The following SHISAL2A variants were observed in gnomAD, a reference collection of about 807,000 sequenced individuals.
SHISAL2A encodes the protein protein shisa-like-2A.
SHISAL2A carries 18 observed loss-of-function variants against 11.5 expected under a neutral mutation model. The observed-to-expected ratio is 1.57, with a 90% CI of 1.08 to 2.33. The LOEUF (loss-of-function observed/expected upper bound fraction) is 2.33, where lower values mean the gene tolerates loss of function less well. Among genes scored for constraint, SHISAL2A ranks in the 30% most tolerant of loss-of-function variants. The pLI is 0.00. For synonymous variants in SHISAL2A, 94 were observed against 99.6 expected, an observed-to-expected ratio of 0.94 and a Z score of 0.34; for missense variants, 261 against 250.9, an observed-to-expected ratio of 1.04 and a Z score of -0.27.
intron 2 of SHISAL2A, among the ~76,000 whole-genome samples, chr1:52,647,793 C>T (rs1003883481): frequency 9.3e-5 from 14 of 150,114 alleles, no homozygotes; most frequent in African/African-American, 3.4e-4. Context: ...TGCAGTGAGC[C>T]AGGATCGGCC....
At position 52,666,036 on chromosome 1, in the gene SHISAL2A, C is replaced by T. The variant is rs555903653; in HGVS notation, n.696-1363C>T. 5.3e-4 allele frequency among the ~76,000 whole-genome samples: 80 copies of T among 152,312 alleles called. 1 individual carries two copies. Among genetic ancestry groups the T allele is most frequent in the Non-Finnish European group, 7.8e-4 (53 of 68,034 alleles). On this transcript the variant is annotated intron_variant and non_coding_transcript_variant, in intron 4 of 5. Transcript: ENST00000401050. ...CAGGGTTACCTTGAGCTAATGCCTT[C>T]CTCTCTGTCTCAAGAGAATATCCCA...
At chr1:52,664,605 G>T (rs974233668) in intron 4 of SHISAL2A, among the ~76,000 whole-genome samples, 1 of 152,070 alleles carries the variant, frequency 6.6e-6, no homozygotes, top group Non-Finnish European at 1.5e-5. Context: ...TGATCTGCCC[G>T]CCTTGGCCTC....
rs1323217249 is a variant in SHISAL2A, at chr1:52,633,515, T to C, written c.22T>C (p.Tyr8His). 1.3e-6 allele frequency: 2 copies of C among 1,569,786 alleles called. No homozygotes were observed. Among genetic ancestry groups the C allele is most frequent in the Admixed American group, 1.9e-5 (1 of 54,016 alleles). Reference protein sequence around the residue: MSGACTSYVSAEQEVVRG... With the variant: MSGACTSHVSAEQEVVRG... ...CGCGATGAGCGGCGCCTGCACGAGC[T>C]ACGTGAGCGCAGAGCAGGAGGTGGT... is the stretch of plus-strand genomic sequence containing the variant. The change falls in exon 1 of 3, where the codon TAC (tyrosine) becomes CAC (histidine). Residue 8 changes from tyrosine to histidine, a missense_variant. Coordinates refer to ENST00000517870, the MANE Select transcript of SHISAL2A (RefSeq NM_001042693.3). This position sits in a 1 kb window ranked among gnomAD's most constrained non-coding sequence, Gnocchi z 6.4.
chr1:52,643,390 C>T (rs868020260), intron 2 of SHISAL2A, among the ~76,000 whole-genome samples: 67 of 152,262 alleles, frequency 4.4e-4, no homozygotes, highest in African/African-American at 1.5e-3. Flanking sequence ...GAAATACAAG[C>T]GCTTTTATTG....
intron 2 of SHISAL2A, among the ~76,000 whole-genome samples, chr1:52,644,153 G>A (rs1260071942): frequency 6.6e-6 from 1 of 152,166 alleles, no homozygotes; most frequent in East Asian, 1.9e-4. Flanking sequence ...TCACCATACT[G>A]GGTATGTGCA....
At chr1:52,648,080 A>AT (rs1691543273) in intron 2 of SHISAL2A, among the ~76,000 whole-genome samples, 1 of 147,304 alleles carries the variant, frequency 6.8e-6, no homozygotes, top group Admixed American at 6.8e-5. Flanking sequence ...TATATCATAT[A>AT]ATTATATATT....
At chr1:52,657,957 A>G (rs1345139389), downstream of SHISAL2A, among the ~76,000 whole-genome samples, 1 of 152,132 alleles carries the variant, frequency 6.6e-6, no homozygotes, top group East Asian at 1.9e-4. Flanking sequence ...TGTCTTCCTG[A>G]GCCTCAGTCC....
At chr1:52,635,079 T>TATTCATTCATTC (rs544281039) in intron 1 of SHISAL2A, among the ~76,000 whole-genome samples, 3 of 152,216 alleles carry the variant, frequency 2.0e-5, no homozygotes, top group African/African-American at 7.2e-5. Context: ...TTCATCCATA[T>TATTCATTCATTC]ATTCATTCAT....
At chr1:52,634,512 T>A (rs1436614478) in intron 1 of SHISAL2A, among the ~76,000 whole-genome samples, 1 of 152,184 alleles carries the variant, frequency 6.6e-6, no homozygotes, top group East Asian at 1.9e-4. Context: ...CATAGAAGTG[T>A]TGACTCTCCA....
At chr1:52,658,240 A>G (rs1691837924), downstream of SHISAL2A, among the ~76,000 whole-genome samples, 1 of 152,092 alleles carries the variant, frequency 6.6e-6, no homozygotes, top group African/African-American at 2.4e-5. Context: ...GGGTTTCACC[A>G]TGTTGGCCAG....
intron 1 of SHISAL2A, among the ~76,000 whole-genome samples, chr1:52,634,135 T>A (rs1691192056): frequency 6.6e-6 from 1 of 152,084 alleles, no homozygotes; most frequent in African/African-American, 2.4e-5. Context: ...CCAGACCTTA[T>A]TCTATCACCA....
At chr1:52,655,620 T>C (rs1422367291) in intron 2 of SHISAL2A, among the ~76,000 whole-genome samples, 1 of 152,136 alleles carries the variant, frequency 6.6e-6, no homozygotes, top group African/African-American at 2.4e-5. Context: ...TGCAAGACCC[T>C]ATCTCAAAAT....
chr1:52,643,124 C>A, intron 2 of SHISAL2A, 122 bp downstream of exon 2: 3 of 935,160 alleles, frequency 3.2e-6, no homozygotes, highest in Non-Finnish European at 4.9e-6. Context: ...TATGCAGAAG[C>A]AGCGGCACAT....
At position 52,633,755 on chromosome 1, in the gene SHISAL2A, G is replaced by A. The variant is rs1463114620; in HGVS notation, c.182+80G>A. The A allele has an allele frequency of 1.7e-6, 2 of 1,187,228 alleles. No homozygotes were observed. The highest frequency in any genetic ancestry group is 2.2e-5 in the Admixed American group (1 of 46,084). The allele number at this position is 1,187,228 out of a possible 1,614,324, so 73.5% of individuals were successfully genotyped here. A position where few individuals can be genotyped will look rare whatever the true frequency, so the allele number is the denominator to read the frequency against. On this transcript the variant is annotated intron_variant, in intron 1 of 2. Coordinates refer to ENST00000517870, the MANE Select transcript of SHISAL2A (RefSeq NM_001042693.3). This position sits in a 1 kb window ranked among gnomAD's most constrained non-coding sequence, Gnocchi z 6.4. ...CACCCCAGCCTCAGCCCCCACCCGAGTGTCCACCTGAACATCAGCAGCAAG... is the reference window on the plus strand; with the variant it reads ...CACCCCAGCCTCAGCCCCCACCCGAATGTCCACCTGAACATCAGCAGCAAG...
chr1:52,654,593 C>T (rs1481858195), intron 2 of SHISAL2A, among the ~76,000 whole-genome samples: 10 of 152,042 alleles, frequency 6.6e-5, no homozygotes, highest in Non-Finnish European at 1.3e-4. Flanking sequence ...AACTAAACTT[C>T]CATAAGTAAA....
intron 2 of SHISAL2A, among the ~76,000 whole-genome samples, chr1:52,654,936 A>G (rs1046067863): frequency 6.6e-5 from 10 of 152,304 alleles, no homozygotes; most frequent in African/African-American, 2.4e-4. Flanking sequence ...TAATCCCAGC[A>G]CTTTGGGAGG....
downstream of SHISAL2A, among the ~76,000 whole-genome samples, chr1:52,658,789 G>A (rs1022720752): frequency 2.6e-5 from 4 of 152,242 alleles, no homozygotes; most frequent in Non-Finnish European, 1.5e-5. Context: ...TGCAAGACAA[G>A]GACTGTGGAG....
chr1:52,657,163 C>G (rs1691809213), downstream of SHISAL2A: 8 of 1,317,490 alleles, frequency 6.1e-6, no homozygotes, highest in Non-Finnish European at 1.0e-6. Context: ...GATACCCAGC[C>G]CTGCTGTGGA....
At chr1:52,637,381 T>G (rs1365294790) in intron 1 of SHISAL2A, among the ~76,000 whole-genome samples, 1 of 152,222 alleles carries the variant, frequency 6.6e-6, no homozygotes, top group African/African-American at 2.4e-5. Context: ...TAAATTCCGT[T>G]TGGCCCTTTT....
Sources: allele counts gnomAD v4.1 joint callset (sites outside exome capture counted in the v4.1 genomes callset), GRCh38; gene constraint gnomAD v4.1.1; non-coding constraint Gnocchi (gnomAD v3.1); transcripts MANE v1.5; gene names NCBI Gene and HGNC (gene_info 2026-07-23, HGNC 2026-07-21).